Variants in TRARG1 observed in about 807,000 individuals in gnomAD.
The protein encoded by TRARG1 is trafficking regulator of GLUT4 (SLC2A4) 1 (gene/pseudogene).
TRARG1 carries 16 observed loss-of-function variants against 13.3 expected under a neutral mutation model. The ratio of observed to expected loss-of-function variants is 1.20; its 90% confidence interval spans 0.81 to 1.83. The LOEUF (loss-of-function observed/expected upper bound fraction) is 1.83. Among genes scored for constraint, TRARG1 ranks in the 40% most tolerant of loss-of-function variants. The pLI is 0.00. For synonymous variants in TRARG1, 113 were observed against 106.2 expected, an observed-to-expected ratio of 1.06 and a Z score of -0.39; for missense variants, 250 against 237.4, an observed-to-expected ratio of 1.05 and a Z score of -0.35.
chr17:1,293,607 C>T (rs1036548820), intron 1 of TRARG1, among the ~76,000 whole-genome samples: 23 of 149,918 alleles, frequency 1.5e-4, no homozygotes, highest in African/African-American at 5.0e-4. Context: ...TTGATGATGT[C>T]GTGGGTTGTG....
rs1055081438 is a variant in TRARG1 at position 1,291,990 on chromosome 17, G to A, written c.388-3501G>A. On this transcript the variant is annotated intron_variant, in intron 1 of 2. Transcript: ENST00000333813. Reference sequence around the variant, plus strand: ...AGTTCAAGACCAGCCTGACCAACATGATGAAACCCCATCTCTACTAAAAAT... The same window carrying A: ...AGTTCAAGACCAGCCTGACCAACATAATGAAACCCCATCTCTACTAAAAAT... Among the ~76,000 whole-genome samples, 4 of 152,104 alleles carry A rather than the reference G, an allele frequency of 2.6e-5. No individual in the cohort carries two copies. In the East Asian group the frequency reaches 7.7e-4, roughly 29 times the overall value.
chr17:1,294,940 T>C (rs534150332), intron 1 of TRARG1, among the ~76,000 whole-genome samples: 132 of 152,228 alleles, frequency 8.7e-4, no homozygotes, highest in Non-Finnish European at 1.3e-3. Context: ...CGCCTCAGCC[T>C]CTCCAAGTGC....
chr17:1,281,119 C>T (rs1456035034), intron 1 of TRARG1, among the ~76,000 whole-genome samples: 1 of 152,228 alleles, frequency 6.6e-6, no homozygotes, highest in Non-Finnish European at 1.5e-5. Flanking sequence ...CGGGTCTGTA[C>T]TTCCATGGGA....
At chr17:1,294,310 C>G (rs2072095179) in intron 1 of TRARG1, among the ~76,000 whole-genome samples, 1 of 152,072 alleles carries the variant, frequency 6.6e-6, no homozygotes. Context: ...AGGAGTGATA[C>G]ATAAAACAAG....
chr17:1,281,498 G>A (rs537031939), intron 1 of TRARG1, among the ~76,000 whole-genome samples: 2 of 152,278 alleles, frequency 1.3e-5, no homozygotes, highest in South Asian at 4.1e-4. Flanking sequence ...CAGTCTCCCA[G>A]CAGGGAAGCC....
Position 1,280,177 on chromosome 17 carries a change from G to A in TRARG1, c.176G>A (p.Gly59Asp), listed in dbSNP as rs375213755. The A allele has an allele frequency of 1.2e-6, 2 of 1,614,024 alleles. No homozygotes were observed. Among genetic ancestry groups the A allele is most frequent in the Non-Finnish European group, 1.7e-6 (2 of 1,179,984 alleles). Residue 59 changes from glycine to aspartate, a missense_variant, in exon 1 of 3, where the codon GGC becomes GAC. Physicochemically the swap from Gly to Asp is moderately conservative, Grantham distance 94 (BLOSUM62 -1). Transcript: ENST00000333813. The stretch of plus-strand genomic sequence containing the variant: ...CTGGATCTGGAGCAGAACAGCCAGG[G>A]CCTACCCTTCAAGGCCATCTCCGAG... Reference protein sequence around the residue: ...GPLDLEQNSQGLPFKAISEGH... With the variant: ...GPLDLEQNSQDLPFKAISEGH...
intron 1 of TRARG1, among the ~76,000 whole-genome samples, chr17:1,283,892 C>G (rs2150806820): frequency 6.6e-6 from 1 of 152,108 alleles, no homozygotes; most frequent in South Asian, 2.1e-4. Context: ...GCGGGCAGAT[C>G]ACGAGGTCAG....
At chr17:1,291,706 T>G (rs1009584911) in intron 1 of TRARG1, among the ~76,000 whole-genome samples, 12 of 152,060 alleles carry the variant, frequency 7.9e-5, no homozygotes, top group African/African-American at 2.9e-4. Flanking sequence ...AGTGCCAGCG[T>G]TGTTTATTCT....
At chr17:1,294,576 C>A (rs953730764) in intron 1 of TRARG1, among the ~76,000 whole-genome samples, 1 of 149,422 alleles carries the variant, frequency 6.7e-6, no homozygotes, top group African/African-American at 2.5e-5. Flanking sequence ...AAGCAATTCT[C>A]CTGCATCAGC....
intron 2 of TRARG1, among the ~76,000 whole-genome samples, chr17:1,297,750 C>T (rs749230873): frequency 2.6e-5 from 4 of 151,892 alleles, no homozygotes; most frequent in East Asian, 1.9e-4. Context: ...AATACAGGCA[C>T]GTGCCACCAC....
chr17:1,285,456 C>T (rs1294029654), intron 1 of TRARG1, among the ~76,000 whole-genome samples: 1 of 151,066 alleles, frequency 6.6e-6, no homozygotes, highest in African/African-American at 2.4e-5. Context: ...CCTGCAATCC[C>T]AGCACTTTGA....
chr17:1,280,438 C>T, intron 1 of TRARG1, 50 bp downstream of exon 1: 1 of 1,504,966 alleles, frequency 6.6e-7, no homozygotes, highest in South Asian at 1.3e-5. Context: ...CAGGGGTCGG[C>T]AGGTGTTTCC....
chr17:1,288,705 CCGGGTTCCCCATCCCCCA>C (rs2072045139), intron 1 of TRARG1, among the ~76,000 whole-genome samples: 1 of 42,674 alleles, frequency 2.3e-5, no homozygotes, highest in Non-Finnish European at 4.3e-5. Context: ...TCATCCCCCA[CCGGGTTCCCCATCCCCCA>C]CGGGTTCCCC....
chr17:1,281,384 C>T (rs2150805127), intron 1 of TRARG1, among the ~76,000 whole-genome samples: 1 of 149,854 alleles, frequency 6.7e-6, no homozygotes, highest in Non-Finnish European at 1.5e-5. Flanking sequence ...GAGGGGGGTT[C>T]CCAAGAGTGA....
At position 1,300,487 on chromosome 17, in the gene TRARG1, C is replaced by T. The variant is rs1319536527; in HGVS notation, c.*2223C>T. Reference sequence around the variant, plus strand: ...ACACACACACACGCTTGTTCACACTCAGAACCCAGGACAGCCACAGCCACC... The same window carrying T: ...ACACACACACACGCTTGTTCACACTTAGAACCCAGGACAGCCACAGCCACC... On this transcript the variant is annotated 3_prime_UTR_variant, in exon 3 of 3. Transcript: ENST00000333813. 1 of 152,920 alleles carries T rather than the reference C, an allele frequency of 6.5e-6. No individual in the cohort carries two copies. The highest frequency in any genetic ancestry group is 1.5e-5 in the Non-Finnish European group (1 of 68,750). The allele number at this position is 152,920 out of a possible 1,614,324, so 9.5% of individuals were successfully genotyped here.
intron 1 of TRARG1, among the ~76,000 whole-genome samples, chr17:1,293,234 A>C (rs1293742445): frequency 6.9e-6 from 1 of 144,254 alleles, no homozygotes; most frequent in Admixed American, 7.3e-5. Context: ...CAGTGAACCG[A>C]GATTGCGCCA....
chr17:1,295,493 T>A lies in TRARG1; in HGVS notation c.390T>A (p.Ser130=). Residue 130 remains serine (S), a splice_region_variant and synonymous_variant, in exon 2 of 3, where the codon TCT becomes TCA. Transcript: ENST00000333813. The part of the protein sequence containing the change: ...NLIPLIISIM[S]RSSMQQGNVD... ...GTCTCTCTGTGCTCTCTCCGCAGTC[T>A]CGAAGCAGCATGCAACAGGGCAACG... is the stretch of plus-strand genomic sequence containing the variant. 6.2e-7 allele frequency: 1 copy of A among 1,605,356 alleles called. No individual in the cohort carries two copies. The highest frequency in any genetic ancestry group is 8.5e-7 in the Non-Finnish European group (1 of 1,176,266).
chr17:1,287,578 G>T (rs2072033372), intron 1 of TRARG1, among the ~76,000 whole-genome samples: 1 of 151,738 alleles, frequency 6.6e-6, no homozygotes, highest in Non-Finnish European at 1.5e-5. Flanking sequence ...TACCAGGATG[G>T]TCTCAATCTC....
intron 1 of TRARG1, among the ~76,000 whole-genome samples, chr17:1,286,108 C>T (rs2072017878): frequency 6.6e-6 from 1 of 152,238 alleles, no homozygotes; most frequent in East Asian, 1.9e-4. Context: ...AAGAAAGACA[C>T]CCTGTCCCTG....
Sources: gnomAD v4.1 joint callset for allele counts (sites outside exome capture counted in the v4.1 genomes callset) on GRCh38, gnomAD v4.1.1 for gene constraint, MANE v1.5 for transcripts, NCBI Gene and HGNC (gene_info 2026-07-23, HGNC 2026-07-21) for gene names.